FLRT2: variants seen among roughly 807,000 people sequenced by gnomAD.
The protein encoded by FLRT2 is leucine-rich repeat transmembrane protein FLRT2.
In FLRT2, 15 loss-of-function variants were observed where a neutral mutation model predicts 40.0. The ratio of observed to expected loss-of-function variants is 0.38; its 90% CI spans 0.25 to 0.58. FLRT2 has a LOEUF of 0.58. Among genes scored for constraint, FLRT2 ranks in the 20% least tolerant of loss-of-function variants. The pLI is 0.71. For synonymous variants in FLRT2, 380 were observed against 336.8 expected (o/e 1.13, Z -1.41); for missense variants, 726 against 840.0 (o/e 0.86, Z 1.68).
intron 1 of FLRT2, among the ~76,000 whole-genome samples, chr14:85,587,134 C>T (rs950763537): frequency 1.3e-5 from 2 of 152,064 alleles, no homozygotes; most frequent in African/African-American, 4.8e-5. Flanking sequence ...AACGAGGAAG[C>T]TTTGTTGTAC....
rs181155789 is a variant in FLRT2 at position 85,574,955 on chromosome 14, A to G, written c.-377+44421A>G. ...AAGGTAGGAAACCAAGGCATTGGCC[A>G]TTGTTCAAGAGCAAACCAGGTCAGC... On this transcript the variant is annotated intron_variant, in intron 1 of 1. Coordinates refer to ENST00000330753, the MANE Select transcript of FLRT2 (RefSeq NM_013231.6). Among the ~76,000 whole-genome samples, 6 of 152,336 alleles carry G rather than the reference A, an allele frequency of 3.9e-5. No homozygotes were observed. The East Asian group carries it at 1.2e-3, about 29-fold the overall frequency.
chr14:85,598,916 G>GTTTTTTTTTT lies in FLRT2; in HGVS notation c.-376-22213_-376-22204dup, dbSNP rs11449675. Reference sequence around the variant, plus strand: ...AAGATGAAATAAGAGAAATGGGATGGTTTTTTTTTTTTTTTTTTTGAGACG... The same window carrying GTTTTTTTTTT: ...AAGATGAAATAAGAGAAATGGGATGGTTTTTTTTTTTTTTTTTTTTTTTTTTTTTGAGACG... On this transcript the variant is annotated intron_variant, in intron 1 of 1. Transcript: ENST00000330753. Among the ~76,000 whole-genome samples the GTTTTTTTTTT allele has an allele frequency of 1.7e-5, 2 of 120,318 alleles. 1 individual carries two copies. Among genetic ancestry groups the GTTTTTTTTTT allele is most frequent in the Non-Finnish European group, 3.3e-5 (2 of 61,066 alleles). The allele number at this position is 120,318 out of a possible 152,430, so 78.9% of individuals were successfully genotyped here. A position where few individuals can be genotyped will look rare whatever the true frequency, so the allele number is the denominator to read the frequency against.
chr14:85,610,757 A>G (rs146319538), intron 1 of FLRT2, among the ~76,000 whole-genome samples: 1,729 of 152,114 alleles, frequency 0.011, 28 homozygotes, highest in African/African-American at 0.04. Context: ...TAGGAATCCC[A>G]TTTTCTAAGT....
chr14:85,650,966 G>T lies in FLRT2; in HGVS notation c.*27469G>T, dbSNP rs1448902794. The T allele has an allele frequency of 2.0e-5, 3 of 151,730 alleles. No homozygotes were observed. Among genetic ancestry groups the T allele is most frequent in the Non-Finnish European group, 4.4e-5 (3 of 67,914 alleles). The allele number at this position is 151,730 out of a possible 1,614,324, so 9.4% of individuals were successfully genotyped here. On this transcript the variant is annotated 3_prime_UTR_variant, in exon 2 of 2. Transcript: ENST00000330753. ...GGCTCAAGAGATACTCTCCTGCCTT[G>T]GTTTCCTAAAGTGCTGGGATTATAG...
At chr14:85,596,677 ACT>A (rs1484073436) in intron 1 of FLRT2, among the ~76,000 whole-genome samples, 1 of 152,030 alleles carries the variant, frequency 6.6e-6, no homozygotes, top group Non-Finnish European at 1.5e-5. Flanking sequence ...CATTATTTAA[ACT>A]CTCTTAGCCT....
At chr14:85,606,334 C>G (rs919412475) in intron 1 of FLRT2, among the ~76,000 whole-genome samples, 1 of 152,092 alleles carries the variant, frequency 6.6e-6, no homozygotes, top group Non-Finnish European at 1.5e-5. Context: ...AGGAAATTTT[C>G]TGCTACATAT....
Position 85,621,680 on chromosome 14 carries a change from T to G in FLRT2, c.166T>G (p.Ser56Ala). 6.2e-7 allele frequency: 1 copy of G among 1,614,158 alleles called. No individual in the cohort carries two copies. Among genetic ancestry groups the G allele is most frequent in the Non-Finnish European group, 8.5e-7 (1 of 1,180,030 alleles). Residue 56 changes from serine to alanine, a missense_variant, in exon 2 of 2, where the codon TCA becomes GCA. Ser to Ala is a moderately conservative substitution (Grantham distance 99). Transcript: ENST00000330753. Reference sequence around the variant, plus strand: ...CTACTGTAATGAGCGAAGCTTGACCTCAGTGCCTCTTGGGATCCCGGAGGG... The same window carrying G: ...CTACTGTAATGAGCGAAGCTTGACCGCAGTGCCTCTTGGGATCCCGGAGGG... The part of the protein sequence containing the change: ...FVYCNERSLT[S>A]VPLGIPEGVT...
intron 1 of FLRT2, among the ~76,000 whole-genome samples, chr14:85,535,775 T>G (rs930178778): frequency 6.6e-6 from 1 of 151,944 alleles, no homozygotes; most frequent in Non-Finnish European, 1.5e-5. Flanking sequence ...GGTTGGAAGA[T>G]GAAATTTCAA....
rs1038472850 is a variant in FLRT2, at chr14:85,630,995, T to C, written c.*7498T>C. 1 of 151,368 alleles carries C rather than the reference T, an allele frequency of 6.6e-6. No individual in the cohort carries two copies. Among genetic ancestry groups the C allele is most frequent in the African/African-American group, 2.4e-5 (1 of 41,118 alleles). The allele number at this position is 151,368 out of a possible 1,614,324, so 9.4% of individuals were successfully genotyped here. On this transcript the variant is annotated 3_prime_UTR_variant, in exon 2 of 2. Coordinates refer to ENST00000330753, the MANE Select transcript of FLRT2 (RefSeq NM_013231.6). ...GCTTGCAAGATAGAATTCAAACTCT[T>C]TGTGTGACTTATGTATCCTACTACA... is the stretch of plus-strand genomic sequence containing the variant.
intron 1 of FLRT2, among the ~76,000 whole-genome samples, chr14:85,611,905 C>G (rs554860696): frequency 7.0e-6 from 1 of 143,394 alleles, no homozygotes; most frequent in Non-Finnish European, 1.5e-5. Flanking sequence ...AGAGAGCGCG[C>G]GTGCGCGAAA....
chr14:85,605,320 C>T (rs926366927), intron 1 of FLRT2, among the ~76,000 whole-genome samples: 1 of 152,138 alleles, frequency 6.6e-6, no homozygotes, highest in African/African-American at 2.4e-5. Flanking sequence ...AACACTTTTG[C>T]TTGAGTTTTG....
At chr14:85,539,959 C>A (rs1017240774) in intron 1 of FLRT2, among the ~76,000 whole-genome samples, 1 of 152,024 alleles carries the variant, frequency 6.6e-6, no homozygotes. Flanking sequence ...TCTGAGTTTG[C>A]GCTATTTTGA....
intron 1 of FLRT2, among the ~76,000 whole-genome samples, chr14:85,565,570 T>G: frequency 6.6e-6 from 1 of 152,306 alleles, no homozygotes; most frequent in Middle Eastern, 3.4e-3. Flanking sequence ...TTATTTAAAT[T>G]TTTGAATGAT....
In FLRT2 at chr14:85,593,058, C is replaced by T. The variant is rs1237426023; in HGVS notation, c.-376-28081C>T. On this transcript the variant is annotated intron_variant, in intron 1 of 1. Coordinates refer to ENST00000330753, the MANE Select transcript of FLRT2 (RefSeq NM_013231.6). ...ATACCTTCATCTACTGTACACTAAT[C>T]TCAATTCACATTTGGATATGGGTAA... 3.3e-5 allele frequency among the ~76,000 whole-genome samples: 5 copies of T among 152,270 alleles called. No homozygotes were observed. In the East Asian group the frequency reaches 9.7e-4, roughly 29 times the overall value.
Position 85,549,378 on chromosome 14 carries a change from C to CTTGTCCTGG in FLRT2, c.-377+18845_-377+18853dup, listed in dbSNP as rs550630948. Among the ~76,000 whole-genome samples the CTTGTCCTGG allele has an allele frequency of 2.0e-3, 298 of 152,334 alleles. 2 individuals are homozygous for CTTGTCCTGG. The highest frequency in any genetic ancestry group is 6.6e-3 in the African/African-American group (274 of 41,590). ...GCTTCTGCCCAGTTGCCCAGAAGCT[C>CTTGTCCTGG]TTGTCCTGGCCTCTGCACCTGCTCA... On this transcript the variant is annotated intron_variant, in intron 1 of 1. Transcript: ENST00000330753.
At chr14:85,553,965 G>T (rs1047800866) in intron 1 of FLRT2, among the ~76,000 whole-genome samples, 1 of 152,040 alleles carries the variant, frequency 6.6e-6, no homozygotes, top group Non-Finnish European at 1.5e-5. Flanking sequence ...TAAAGGGTAG[G>T]GTAGATACTT....
chr14:85,565,920 ATTGT>A (rs1890596101), intron 1 of FLRT2, among the ~76,000 whole-genome samples: 1 of 152,160 alleles, frequency 6.6e-6, no homozygotes, highest in African/African-American at 2.4e-5. Context: ...CAGAAACTTC[ATTGT>A]TTGGGGAATG....
At chr14:85,570,305 A>G (rs1890827632) in intron 1 of FLRT2, among the ~76,000 whole-genome samples, 1 of 152,226 alleles carries the variant, frequency 6.6e-6, no homozygotes, top group Non-Finnish European at 1.5e-5. Flanking sequence ...ACATATGAAA[A>G]TTGAACATGT....
intron 1 of FLRT2, among the ~76,000 whole-genome samples, chr14:85,558,245 G>A (rs1406632682): frequency 1.6e-4 from 24 of 151,996 alleles, no homozygotes; most frequent in Admixed American, 1.6e-3. Context: ...GAGGCAAAGG[G>A]CTCTCATATG....
Sources: allele counts gnomAD v4.1 joint callset (sites outside exome capture counted in the v4.1 genomes callset), GRCh38; gene constraint gnomAD v4.1.1; transcripts MANE v1.5; gene names NCBI Gene and HGNC (gene_info 2026-07-23, HGNC 2026-07-21).